Variants in FAM3B observed in about 807,000 individuals in gnomAD.
The protein encoded by FAM3B is protein FAM3B.
In FAM3B, 29 loss-of-function variants were observed where a neutral mutation model predicts 28.4. That is an observed-to-expected ratio of 1.02 (90% CI 0.76 to 1.39). FAM3B has a LOEUF of 1.39. FAM3B is among the 40% of genes most tolerant of loss of function. The pLI is 0.00. For missense variants in FAM3B, 266 were observed against 293.9 expected (o/e 0.91, Z 0.69); for synonymous variants, 91 against 103.0 (o/e 0.88, Z 0.71).
chr21:41,338,569 C>T, intron 3 of FAM3B, 68 bp downstream of exon 3: 3 of 1,590,892 alleles, frequency 1.9e-6, no homozygotes, highest in East Asian at 2.2e-5. Context: ...CTGAGGCTGA[C>T]CAAGCAGCAG....
At chr21:41,331,607 T>C (rs2088906192) in intron 2 of FAM3B, among the ~76,000 whole-genome samples, 1 of 152,170 alleles carries the variant, frequency 6.6e-6, no homozygotes, top group South Asian at 2.1e-4. Flanking sequence ...TGAGTTGACT[T>C]TTTATGTGGT....
At chr21:41,310,240 A>C (rs2088701967) in intron 1 of FAM3B, among the ~76,000 whole-genome samples, 5 of 143,664 alleles carry the variant, frequency 3.5e-5, no homozygotes, top group Admixed American at 7.0e-5. Flanking sequence ...GCCTCACCCC[A>C]CCCCGGCCCC....
intron 5 of FAM3B, 47 bp from the exon 6 acceptor site, chr21:41,346,966 C>T (rs745703199): frequency 3.9e-6 from 6 of 1,555,228 alleles, no homozygotes; most frequent in Non-Finnish European, 5.3e-6. Flanking sequence ...AAGGCAGAGC[C>T]TCAGTGAACA....
chr21:41,308,540 T>A, intron 1 of FAM3B, among the ~76,000 whole-genome samples: 1 of 136,900 alleles, frequency 7.3e-6, no homozygotes, highest in East Asian at 2.0e-4. Context: ...CTTTTCTTTT[T>A]TTTTTTTTTT....
chr21:41,330,244 G>A (rs1278401968), intron 2 of FAM3B, among the ~76,000 whole-genome samples: 1 of 152,024 alleles, frequency 6.6e-6, no homozygotes, highest in African/African-American at 2.4e-5. Flanking sequence ...GACACTCCAA[G>A]GAAATATTCA....
At position 41,326,979 on chromosome 21, in the gene FAM3B, C is replaced by T. The variant is rs1431432175; in HGVS notation, c.163+3913C>T. Among the ~76,000 whole-genome samples the T allele has an allele frequency of 5.9e-5, 9 of 152,180 alleles. No individual in the cohort carries two copies. Among genetic ancestry groups the T allele is most frequent in the African/African-American group, 9.7e-5 (4 of 41,430 alleles). ...CAGGCCTGGTGCCCTTTGATCATTG[C>T]AAAGGCTCCCAGTGCCTGTTGGTGC... On this transcript the variant is annotated intron_variant, in intron 2 of 7. Transcript: ENST00000357985. This position sits in a 1 kb window ranked among gnomAD's most constrained non-coding sequence, Gnocchi z 4.0.
At position 41,304,966 on chromosome 21, in the gene FAM3B, G is replaced by C. The variant is rs189025475; in HGVS notation, n.99+656G>C. Among the ~76,000 whole-genome samples, 46 of 152,282 alleles carry C rather than the reference G, an allele frequency of 3.0e-4. No homozygotes were observed. In the East Asian group the frequency reaches 8.9e-3, roughly 29 times the overall value. ...CAAGAAGGAAGTGGGATCAAAACAA[G>C]GAAGCACACAGTTCCAGGGAGAGAT... On this transcript the variant is annotated intron_variant and non_coding_transcript_variant, in intron 1 of 9. Coordinates refer to the FAM3B transcript ENST00000479810.
chr21:41,348,868 A>G (rs1344830113), intron 7 of FAM3B, 144 bp downstream of exon 7: 2 of 918,070 alleles, frequency 2.2e-6, no homozygotes, highest in Non-Finnish European at 3.3e-6. Flanking sequence ...TTAGATCCGG[A>G]CAGAAGTTTC....
At chr21:41,328,470 T>G (rs1393024265) in intron 2 of FAM3B, among the ~76,000 whole-genome samples, 1 of 152,140 alleles carries the variant, frequency 6.6e-6, no homozygotes, top group Non-Finnish European at 1.5e-5. Context: ...AATTGGACGT[T>G]TGCTTTAAAT....
upstream of FAM3B, among the ~76,000 whole-genome samples, chr21:41,315,209 G>T (rs9985079): frequency 1.3e-5 from 2 of 151,934 alleles, no homozygotes; most frequent in East Asian, 3.9e-4. Context: ...GTGTATGATT[G>T]CGCTTATATG....
intron 7 of FAM3B, among the ~76,000 whole-genome samples, chr21:41,355,199 T>C (rs2089154956): frequency 6.6e-6 from 1 of 152,170 alleles, no homozygotes; most frequent in Non-Finnish European, 1.5e-5. Context: ...ATGGAGAAAT[T>C]AGAACCCTCA....
At chr21:41,335,268 G>T (rs1178223954) in intron 2 of FAM3B, among the ~76,000 whole-genome samples, 1 of 152,126 alleles carries the variant, frequency 6.6e-6, no homozygotes, top group African/African-American at 2.4e-5. Context: ...ATGTGAGAAG[G>T]ACAAGATATT....
chr21:41,344,649 A>G (rs2089040016), intron 4 of FAM3B, 115 bp downstream of exon 4: 5 of 753,536 alleles, frequency 6.6e-6, no homozygotes, highest in Admixed American at 2.3e-5. Context: ...TTGTATTTTA[A>G]TGCATTTTAA....
chr21:41,335,283 G>A (rs986551313), intron 2 of FAM3B, among the ~76,000 whole-genome samples: 2 of 152,146 alleles, frequency 1.3e-5, no homozygotes, highest in Non-Finnish European at 1.5e-5. Flanking sequence ...GATATTTGGG[G>A]GACCAGGGGC....
Position 41,357,489 on chromosome 21 carries a change from A to G in FAM3B, c.*292A>G. The G allele has an allele frequency of 3.7e-6, 1 of 268,248 alleles. No homozygotes were observed. Among genetic ancestry groups the G allele is most frequent in the Non-Finnish European group, 7.3e-6 (1 of 137,338 alleles). 16.6% of individuals were successfully genotyped at this position (268,248 alleles called of 1,614,324 possible). ...TGGGAGAAACAGCTTGTCCAGGTGG[A>G]GCTATGTTATGATCAGATCGAAGTG... is the stretch of plus-strand genomic sequence containing the variant. On this transcript the variant is annotated 3_prime_UTR_variant, in exon 8 of 8. Coordinates refer to ENST00000357985, the MANE Select transcript of FAM3B (RefSeq NM_058186.4).
At chr21:41,331,247 T>A (rs1302385409) in intron 2 of FAM3B, among the ~76,000 whole-genome samples, 1 of 152,256 alleles carries the variant, frequency 6.6e-6, no homozygotes, top group Non-Finnish European at 1.5e-5. Context: ...GAAAAATCTT[T>A]ATTCAAGTTC....
chr21:41,340,171 T>C (rs1445772134), intron 3 of FAM3B, among the ~76,000 whole-genome samples: 3 of 149,404 alleles, frequency 2.0e-5, no homozygotes, highest in African/African-American at 7.4e-5. Flanking sequence ...TTTTTTTTTT[T>C]TGAGACAGAG....
intron 1 of FAM3B, among the ~76,000 whole-genome samples, chr21:41,321,727 G>A (rs1728323838): frequency 1.3e-5 from 2 of 152,238 alleles, no homozygotes; most frequent in South Asian, 2.1e-4. Context: ...GGGCCTCCAA[G>A]CAATAGCACA....
intron 3 of FAM3B, among the ~76,000 whole-genome samples, chr21:41,341,855 C>T (rs2089009831): frequency 1.3e-5 from 2 of 152,162 alleles, no homozygotes; most frequent in South Asian, 2.1e-4. Flanking sequence ...CACAACTAGC[C>T]TCAAATTCAG....
Sources: allele counts gnomAD v4.1 joint callset (sites outside exome capture counted in the v4.1 genomes callset), GRCh38; gene constraint gnomAD v4.1.1; non-coding constraint Gnocchi (gnomAD v3.1); transcripts MANE v1.5; gene names NCBI Gene and HGNC (gene_info 2026-07-23, HGNC 2026-07-21).